Variants in ROR2 observed in about 807,000 individuals in gnomAD.
ROR2 encodes the protein tyrosine-protein kinase transmembrane receptor ROR2.
Under a neutral mutation model 74.9 loss-of-function variants are expected in ROR2, and 33 were observed. The ratio of observed to expected loss-of-function variants is 0.44; its 90% CI spans 0.33 to 0.59. The LOEUF is 0.59. ROR2 is among the 20% of genes least tolerant of loss of function. ROR2 has a pLI of 0.02. For synonymous variants in ROR2, 586 were observed against 558.7 expected, an observed-to-expected ratio of 1.05 and a Z score of -0.69; for missense variants, 1,216 against 1,313.8, an observed-to-expected ratio of 0.93 and a Z score of 1.15.
In ROR2 at chr9:91,950,051, G is replaced by C. The variant is rs1832133921; in HGVS notation, c.-88C>G. On this transcript the variant is annotated 5_prime_UTR_variant, in exon 1 of 9. Transcript: ENST00000375708. ...CACCACCCCTTTCTACGATGCGTCC[G>C]CTCCTCCTTCTCCCTGGCGCTTCGC... is the stretch of plus-strand genomic sequence containing the variant. 1 of 576,002 alleles carries C rather than the reference G, an allele frequency of 1.7e-6. No individual in the cohort carries two copies. Among genetic ancestry groups the C allele is most frequent in the African/African-American group, 2.0e-5 (1 of 49,842 alleles). 35.7% of individuals were successfully genotyped at this position (576,002 alleles called of 1,614,324 possible). A position where few individuals can be genotyped will look rare whatever the true frequency, so the allele number is the denominator to read the frequency against.
At chr9:91,889,561 A>G (rs1830374362) in intron 1 of ROR2, among the ~76,000 whole-genome samples, 1 of 152,168 alleles carries the variant, frequency 6.6e-6, no homozygotes, top group Non-Finnish European at 1.5e-5. Flanking sequence ...TACAGGCTGC[A>G]TAGCTGCCCA....
intron 1 of ROR2, among the ~76,000 whole-genome samples, chr9:91,920,853 C>G (rs780276425): frequency 8.5e-5 from 13 of 152,176 alleles, no homozygotes; most frequent in Non-Finnish European, 1.9e-4. Flanking sequence ...ATTAATGTGG[C>G]CCCAGGCACT....
intron 3 of ROR2, 69 bp downstream of exon 3, chr9:91,757,203 T>C: frequency 1.9e-6 from 3 of 1,592,336 alleles, no homozygotes; most frequent in Non-Finnish European, 2.6e-6. Flanking sequence ...AAATAGCAAC[T>C]GGACCTCTTG....
chr9:91,761,767 G>A (rs751546220), intron 2 of ROR2, among the ~76,000 whole-genome samples: 36 of 152,046 alleles, frequency 2.4e-4, no homozygotes, highest in Non-Finnish European at 5.0e-4. Context: ...CCTCAGGAAA[G>A]GACCTCTCAA....
At chr9:91,938,443 G>A (rs189276770) in intron 1 of ROR2, among the ~76,000 whole-genome samples, 53 of 152,264 alleles carry the variant, frequency 3.5e-4, no homozygotes, top group African/African-American at 1.3e-3. Flanking sequence ...GGGTGACAGA[G>A]TGACACTCCA....
At chr9:91,815,743 C>G (rs1827907374) in intron 1 of ROR2, among the ~76,000 whole-genome samples, 1 of 152,208 alleles carries the variant, frequency 6.6e-6, no homozygotes. Context: ...GCCAAACCAC[C>G]CTGCAATGCA....
At chr9:91,826,508 G>A (rs1006191970) in intron 1 of ROR2, among the ~76,000 whole-genome samples, 4 of 152,176 alleles carry the variant, frequency 2.6e-5, no homozygotes, top group South Asian at 2.1e-4. Context: ...GTGGCTGGGC[G>A]TGGTGCCTCA....
At chr9:91,943,710 C>A (rs940180543) in intron 1 of ROR2, among the ~76,000 whole-genome samples, 1 of 152,174 alleles carries the variant, frequency 6.6e-6, no homozygotes, top group African/African-American at 2.4e-5. Context: ...ATTACGGTTT[C>A]TTTTCCCCCA....
At chr9:91,840,862 G>A (rs1161975756) in intron 1 of ROR2, among the ~76,000 whole-genome samples, 1 of 152,242 alleles carries the variant, frequency 6.6e-6, no homozygotes, top group Non-Finnish European at 1.5e-5. Flanking sequence ...CTCCAGCTCT[G>A]TTTCATTCTC....
intron 2 of ROR2, among the ~76,000 whole-genome samples, chr9:91,766,251 G>A (rs1399691361): frequency 6.6e-6 from 1 of 152,170 alleles, no homozygotes; most frequent in Non-Finnish European, 1.5e-5. Flanking sequence ...TCGGCCCTTG[G>A]TCTCAGATAA....
intron 1 of ROR2, among the ~76,000 whole-genome samples, chr9:91,873,114 C>T (rs182053432): frequency 6.6e-5 from 10 of 152,290 alleles, no homozygotes; most frequent in East Asian, 5.8e-4. Context: ...CCTGTGGGTC[C>T]GGCTTGCTTT....
intron 2 of ROR2, among the ~76,000 whole-genome samples, chr9:91,759,489 G>C (rs1447645049): frequency 2.0e-5 from 3 of 152,090 alleles, no homozygotes; most frequent in African/African-American, 4.8e-5. Flanking sequence ...AATCAGGCAG[G>C]GTAAAGTTCT....
At chr9:91,906,803 C>A (rs1020990974) in intron 1 of ROR2, among the ~76,000 whole-genome samples, 1 of 152,116 alleles carries the variant, frequency 6.6e-6, no homozygotes, top group Admixed American at 6.5e-5. Flanking sequence ...TGAGAAGCAC[C>A]AAGGACTTCC....
Position 91,737,548 on chromosome 9 carries a change from G to T in ROR2, c.495-30C>A, listed in dbSNP as rs758059667. On this transcript the variant is annotated intron_variant, in intron 4 of 8. Coordinates refer to ENST00000375708, the MANE Select transcript of ROR2 (RefSeq NM_004560.4). ...TAAGAAACACACAAAGTCTGTTAGA[G>T]CTCTGGGAGGTGCCAGGTCCCGCCA... 5.6e-6 allele frequency: 9 copies of T among 1,614,030 alleles called. No individual in the cohort carries two copies. In the South Asian group the frequency reaches 9.9e-5, roughly 18 times the overall value.
chr9:91,911,932 G>GAAAAAAAA (rs1830994154), intron 1 of ROR2, among the ~76,000 whole-genome samples: 1 of 13,264 alleles, frequency 7.5e-5, no homozygotes, highest in African/African-American at 7.9e-4. Context: ...CTGAGTCTAA[G>GAAAAAAAA]CAAAAAAAAA....
Position 91,917,997 on chromosome 9 carries a change from C to T in ROR2, c.97+31870G>A, listed in dbSNP as rs558485707. Among the ~76,000 whole-genome samples the T allele has an allele frequency of 5.3e-5, 8 of 151,986 alleles. No homozygotes were observed. The South Asian group carries it at 1.0e-3, about 20-fold the overall frequency. On this transcript the variant is annotated intron_variant, in intron 1 of 8. Coordinates refer to ENST00000375708, the MANE Select transcript of ROR2 (RefSeq NM_004560.4). Reference sequence around the variant, plus strand: ...TAGAAGCTGAAGGGCACAGGCCGGGCGCGGTGGCTCACACCTGTAATCCCA... The same window carrying T: ...TAGAAGCTGAAGGGCACAGGCCGGGTGCGGTGGCTCACACCTGTAATCCCA...
Position 91,762,549 on chromosome 9 carries a change from G to A in ROR2, c.176-4990C>T, listed in dbSNP as rs181711316. On this transcript the variant is annotated intron_variant, in intron 2 of 8. Coordinates refer to ENST00000375708, the MANE Select transcript of ROR2 (RefSeq NM_004560.4). ...ATCAAACAATAACCATGAACAAAAC[G>A]TATAAAGATTTGACATTAATTTTCC... is the stretch of plus-strand genomic sequence containing the variant. 9.9e-4 allele frequency among the ~76,000 whole-genome samples: 150 copies of A among 152,114 alleles called. 1 individual carries two copies. Among genetic ancestry groups the A allele is most frequent in the African/African-American group, 3.4e-3 (142 of 41,474 alleles).
chr9:91,810,330 C>G (rs1434995583), intron 1 of ROR2, among the ~76,000 whole-genome samples: 5 of 152,188 alleles, frequency 3.3e-5, no homozygotes, highest in Non-Finnish European at 7.3e-5. Context: ...TGAGAGAGTT[C>G]ACGTGGCAAA....
chr9:91,868,493 C>T (rs1829705708), intron 1 of ROR2, among the ~76,000 whole-genome samples: 1 of 151,826 alleles, frequency 6.6e-6, no homozygotes, highest in African/African-American at 2.4e-5. Context: ...AAAGATAAGC[C>T]CAAATAAATC....
Sources: allele counts gnomAD v4.1 joint callset (sites outside exome capture counted in the v4.1 genomes callset), GRCh38; gene constraint gnomAD v4.1.1; transcripts MANE v1.5; gene names NCBI Gene and HGNC (gene_info 2026-07-23, HGNC 2026-07-21).